Variants in NLRC5 observed in about 807,000 individuals in gnomAD.
NLRC5 encodes the protein NLR family CARD domain containing 5.
A neutral mutation model predicts 206.9 loss-of-function variants in NLRC5; 114 were observed. That is an observed-to-expected ratio of 0.55 (90% confidence interval 0.47 to 0.64). The LOEUF is 0.64. Ranked by LOEUF, NLRC5 falls within the 30% of genes least tolerant of loss-of-function variation. The probability of loss-of-function intolerance (pLI) is 0.00; values close to 1 mark genes in which losing one functional copy is unlikely to be tolerated. For missense variants in NLRC5, 2,008 were observed against 2,305.5 expected (o/e 0.87, Z 2.64); for synonymous variants, 952 against 962.8 (o/e 0.99, Z 0.21).
chr16:57,028,043 C>T lies in NLRC5; in HGVS notation c.2076-29C>T, dbSNP rs199475978. The T allele has an allele frequency of 1.3e-4, 199 of 1,572,822 alleles. No individual in the cohort carries two copies. In the African/African-American group the frequency reaches 2.4e-3, roughly 19 times the overall value. On this transcript the variant is annotated intron_variant, in intron 6 of 48. Transcript: ENST00000688547. ...TTCTCAGCTCTGCCCAGCACTGATC[C>T]TCTGACACTTCGCTTCTTCTTATGG... is the stretch of plus-strand genomic sequence containing the variant.
At chr16:57,012,702 C>T (rs907381141) in intron 1 of NLRC5, among the ~76,000 whole-genome samples, 4 of 152,106 alleles carry the variant, frequency 2.6e-5, no homozygotes, top group Non-Finnish European at 4.4e-5. Context: ...AACCCCCGTC[C>T]GGGGAAAAAA....
chr16:57,045,630 C>T (rs1220150071), intron 21 of NLRC5, 138 bp downstream of exon 21: 17 of 724,188 alleles, frequency 2.3e-5, no homozygotes, highest in South Asian at 1.7e-4. Context: ...TAGGTTTAAT[C>T]ACCACTTCAG....
Position 57,022,278 on chromosome 16 carries a change from T to C in NLRC5, c.318T>C (p.Ala106=). The change falls in exon 4 of 49, where the codon GCT becomes GCC. Residue 106 remains alanine (A), a synonymous_variant. Coordinates refer to ENST00000688547, the MANE Select transcript of NLRC5 (RefSeq NM_001384950.1). ...CAGGGTTCACCAGCCAGCTGGGAGCTGAGGGGAAAAGCCAACCTGAATCTC... is the reference window on the plus strand; with the variant it reads ...CAGGGTTCACCAGCCAGCTGGGAGCCGAGGGGAAAAGCCAACCTGAATCTC... ...YDDGFTSQLG[A]EGKSQPESQL... is the part of the protein sequence containing the mutation. 2 of 1,612,096 alleles carry C rather than the reference T, an allele frequency of 1.2e-6. No homozygotes were observed. Among genetic ancestry groups the C allele is most frequent in the Non-Finnish European group, 1.7e-6 (2 of 1,178,362 alleles).
intron 22 of NLRC5, 152 bp from the exon 23 acceptor site, chr16:57,047,393 G>C: frequency 1.5e-6 from 1 of 651,172 alleles, no homozygotes; most frequent in East Asian, 2.7e-5. Context: ...CTGCAGGGGA[G>C]ACTCGAGAGG....
At chr16:56,999,443 G>A (rs2058007502) in intron 1 of NLRC5, among the ~76,000 whole-genome samples, 1 of 152,192 alleles carries the variant, frequency 6.6e-6, no homozygotes, top group African/African-American at 2.4e-5. Flanking sequence ...CTGGATCCAG[G>A]CCTTCTCTCC....
chr16:57,067,695 T>C (rs2067220110), intron 35 of NLRC5, 41 bp from the exon 36 acceptor site: 2 of 1,586,366 alleles, frequency 1.3e-6, no homozygotes, highest in Admixed American at 3.3e-5. Context: ...CTGAGGTGTG[T>C]CCAGCCTGAA....
chr16:57,013,488 G>T, intron 1 of NLRC5: 2 of 747,116 alleles, frequency 2.7e-6, no homozygotes, highest in South Asian at 2.9e-5. Context: ...TCATTGAGGT[G>T]AGCACAGATT....
chr16:57,078,028 G>GC lies in NLRC5; in HGVS notation c.5081+13dup. On this transcript the variant is annotated intron_variant, in intron 43 of 48. Coordinates refer to ENST00000688547, the MANE Select transcript of NLRC5 (RefSeq NM_001384950.1). Reference sequence around the variant, plus strand: ...GCACCTGAGGGTCCTACAGTGAGTGGCCCCCTGCCCATACCATGCAGGGCT... The same window carrying GC: ...GCACCTGAGGGTCCTACAGTGAGTGGCCCCCCTGCCCATACCATGCAGGGCT... 6.3e-7 allele frequency: 1 copy of GC among 1,582,762 alleles called. No homozygotes were observed. The highest frequency in any genetic ancestry group is 8.6e-7 in the Non-Finnish European group (1 of 1,159,638).
At chr16:57,062,046 A>G in intron 32 of NLRC5, 3 of 1,357,812 alleles carry the variant, frequency 2.2e-6, no homozygotes, top group Non-Finnish European at 2.9e-6. Flanking sequence ...ACTCAGAAAA[A>G]GAAGATACCG....
chr16:57,044,379 G>A (rs1397948135), intron 20 of NLRC5, among the ~76,000 whole-genome samples: 1 of 151,998 alleles, frequency 6.6e-6, no homozygotes, highest in Admixed American at 6.6e-5. Context: ...TGTCTTAATT[G>A]TGGGAGCTGA....
chr16:56,999,536 A>C (rs1248090280), intron 1 of NLRC5, among the ~76,000 whole-genome samples: 4 of 152,262 alleles, frequency 2.6e-5, no homozygotes, highest in Non-Finnish European at 4.4e-5. Context: ...GCCAGGCCCC[A>C]TGGCAAGGTT....
Position 57,041,418 on chromosome 16 carries a change from G to A in NLRC5, c.2940-67G>A, listed in dbSNP as rs1356193769. 40 of 1,351,712 alleles carry A rather than the reference G, an allele frequency of 3.0e-5. No individual in the cohort carries two copies. The East Asian group carries it at 9.3e-4, about 31-fold the overall frequency. The allele number at this position is 1,351,712 out of a possible 1,614,324, so 83.7% of individuals were successfully genotyped here. ...TTCTCTGCCTCTGTGTCTGGGGGGT[G>A]GGAAAGCGGCTCCTTCCCGCCTCTG... On this transcript the variant is annotated intron_variant, in intron 17 of 48. Coordinates refer to ENST00000688547, the MANE Select transcript of NLRC5 (RefSeq NM_001384950.1).
rs752787505 is a variant in NLRC5, at chr16:57,069,869, C to T, written c.4533C>T (p.Leu1511=). 1.9e-5 allele frequency: 30 copies of T among 1,601,808 alleles called. No homozygotes were observed. The highest frequency in any genetic ancestry group is 4.5e-5 in the South Asian group (4 of 88,880). ...CCAGCTGTGTGAGCACCGAGGGCCTCGCCCACCTGGCATCTGGTCTGGGCC... is the reference window on the plus strand; with the variant it reads ...CCAGCTGTGTGAGCACCGAGGGCCTTGCCCACCTGGCATCTGGTCTGGGCC... The part of the protein sequence containing the change: ...LTSSCVSTEG[L]AHLASGLGHC... Residue 1511 remains leucine (L), a synonymous_variant, in exon 37 of 49, where the codon CTC becomes CTT. Coordinates refer to ENST00000688547, the MANE Select transcript of NLRC5 (RefSeq NM_001384950.1).
rs1268608449 is a variant in NLRC5 at position 57,035,998 on chromosome 16, G to A, written c.2628-102G>A. The A allele has an allele frequency of 7.4e-6, 8 of 1,085,584 alleles. No homozygotes were observed. The East Asian group carries it at 1.9e-4, about 26-fold the overall frequency. 67.2% of individuals were successfully genotyped at this position (1,085,584 alleles called of 1,614,324 possible). A position where few individuals can be genotyped will look rare whatever the true frequency, so the allele number is the denominator to read the frequency against. On this transcript the variant is annotated intron_variant, in intron 13 of 48. Coordinates refer to ENST00000688547, the MANE Select transcript of NLRC5 (RefSeq NM_001384950.1). ...TCAGTTATTATCAAGGTTCATTCCT[G>A]AGAGTGACACTTTGACTAAAGTTAG...
At chr16:57,016,517 G>A (rs1442436083) in intron 1 of NLRC5, among the ~76,000 whole-genome samples, 6 of 152,118 alleles carry the variant, frequency 3.9e-5, no homozygotes, top group Admixed American at 1.3e-4. Context: ...TCTCTGTTGC[G>A]TGGTGTGGGA....
chr16:57,063,237 G>A (rs191876338), intron 32 of NLRC5, among the ~76,000 whole-genome samples: 280 of 149,818 alleles, frequency 1.9e-3, no homozygotes, highest in Non-Finnish European at 1.7e-3. Context: ...CTCAGCCTCC[G>A]GAGTAGCTGG....
In NLRC5 at chr16:57,054,852, CCTGGGACAGCCAGGA is replaced by C; in HGVS notation, c.3596+15_3596+29del. 1 of 1,613,348 alleles carries C rather than the reference CCTGGGACAGCCAGGA, an allele frequency of 6.2e-7. No homozygotes were observed. The highest frequency in any genetic ancestry group is 8.5e-7 in the Non-Finnish European group (1 of 1,179,272). On this transcript the variant is annotated intron_variant, in intron 25 of 48. Transcript: ENST00000688547. ...AAGGTGGATCTCAGGTGGGCATTCC[CCTGGGACAGCCAGGA>C]CTCGTCCTGAAGGGTTGTGCCTGGA...
intron 30 of NLRC5, 116 bp from the exon 31 acceptor site, chr16:57,061,332 C>A: frequency 1.0e-6 from 1 of 997,294 alleles, no homozygotes; most frequent in Non-Finnish European, 1.5e-6. Flanking sequence ...CTGCTCCAGG[C>A]CTTTGCCCTC....
rs778635881 is a variant in NLRC5 at position 57,059,417 on chromosome 16, G to A, written c.3921-50G>A. 9 of 1,567,790 alleles carry A rather than the reference G, an allele frequency of 5.7e-6. No homozygotes were observed. The African/African-American group carries it at 8.1e-5, about 14-fold the overall frequency. On this transcript the variant is annotated intron_variant, in intron 29 of 48. Transcript: ENST00000688547. ...CCCTGTGGGTGCCCTAGGTGCCTAG[G>A]AAGCTGGCATGTCTGGGCACCGTGC...
Sources: allele counts gnomAD v4.1 joint callset (sites outside exome capture counted in the v4.1 genomes callset), GRCh38; gene constraint gnomAD v4.1.1; transcripts MANE v1.5; gene names NCBI Gene and HGNC (gene_info 2026-07-23, HGNC 2026-07-21).